The following PCDHGA6 variants were observed in gnomAD, a reference collection of about 807,000 sequenced individuals.
PCDHGA6 encodes the protein protocadherin gamma subfamily A, 6, also known as protocadherin gamma-A6.
In PCDHGA6, 41 loss-of-function variants were observed where a neutral mutation model predicts 60.6. The ratio of observed to expected loss-of-function variants is 0.68; its 90% CI spans 0.53 to 0.88. PCDHGA6 has a LOEUF of 0.88. PCDHGA6 is among the 40% of genes least tolerant of loss of function. PCDHGA6 has a pLI of 0.00. For synonymous variants in PCDHGA6, 594 were observed against 524.4 expected (o/e 1.13, Z -1.81); for missense variants, 1,312 against 1,203.0 (o/e 1.09, Z -1.34).
At chr5:141,414,242 T>TA in intron 1 of PCDHGA6, 2 of 1,613,538 alleles carry the variant, frequency 1.2e-6, no homozygotes, top group Non-Finnish European at 1.7e-6. Context: ...ATCACGTCTC[T>TA]ATTTAGTCCA....
Position 141,431,724 on chromosome 5 carries a change from T to C in PCDHGA6, c.2424+55217T>C, listed in dbSNP as rs758754345. The C allele has an allele frequency of 6.2e-7, 1 of 1,614,036 alleles. No individual in the cohort carries two copies. Among genetic ancestry groups the C allele is most frequent in the Non-Finnish European group, 8.5e-7 (1 of 1,180,036 alleles). On this transcript the variant is annotated intron_variant, in intron 1 of 3. Coordinates refer to ENST00000517434, the MANE Select transcript of PCDHGA6 (RefSeq NM_018919.3). This position sits in a 1 kb window ranked among gnomAD's most constrained non-coding sequence, Gnocchi z 4.8. The stretch of plus-strand genomic sequence containing the variant: ...TTCTACCAGATGGAAGTGCAAGCAA[T>C]GGATAATGCAGGATATTCTGCGCGA...
At chr5:141,446,830 A>G (rs1289946397) in intron 1 of PCDHGA6, among the ~76,000 whole-genome samples, 1 of 152,176 alleles carries the variant, frequency 6.6e-6, no homozygotes, top group Non-Finnish European at 1.5e-5. Flanking sequence ...GTAGATCCTT[A>G]TAAGGCTGAG....
At chr5:141,376,530 G>A (rs200613052) in intron 1 of PCDHGA6, 23 bp downstream of exon 1, 1 of 1,613,668 alleles carries the variant, frequency 6.2e-7, no homozygotes, top group Admixed American at 1.7e-5. Context: ...CCGCCTAAGC[G>A]GGAAGAGTAA....
chr5:141,433,199 A>G (rs2097574804), intron 1 of PCDHGA6: 1 of 1,579,570 alleles, frequency 6.3e-7, no homozygotes, highest in Non-Finnish European at 8.6e-7. Context: ...TTTATATCAA[A>G]TCTTCTTTCT....
chr5:141,384,870 C>T lies in PCDHGA6; in HGVS notation c.2424+8363C>T, dbSNP rs573213865. 2.6e-5 allele frequency: 42 copies of T among 1,613,806 alleles called. No homozygotes were observed. The Admixed American group carries it at 4.7e-4, about 18-fold the overall frequency. Reference sequence around the variant, plus strand: ...ACGGTCAGCCTCCTCTGTCAGCCACCGTCACACTCACCGTGGCTGTGGCTG... The same window carrying T: ...ACGGTCAGCCTCCTCTGTCAGCCACTGTCACACTCACCGTGGCTGTGGCTG... On this transcript the variant is annotated intron_variant, in intron 1 of 3. Coordinates refer to ENST00000517434, the MANE Select transcript of PCDHGA6 (RefSeq NM_018919.3).
chr5:141,485,152 A>T lies in PCDHGA6; in HGVS notation c.2425-9655A>T. 1.3e-6 allele frequency: 2 copies of T among 1,586,090 alleles called. No homozygotes were observed. Among genetic ancestry groups the T allele is most frequent in the Non-Finnish European group, 8.6e-7 (1 of 1,157,176 alleles). ...CTTCATCCGCGTCTCAGGAGCAAGT[A>T]GAGAATTAGCGGGCGGCAGCAATGC... On this transcript the variant is annotated intron_variant, in intron 1 of 3. Coordinates refer to ENST00000517434, the MANE Select transcript of PCDHGA6 (RefSeq NM_018919.3). This position sits in a 1 kb window ranked among gnomAD's most constrained non-coding sequence, Gnocchi z 5.7.
At chr5:141,383,983 C>G (rs769557615) in intron 1 of PCDHGA6, 1 of 1,613,794 alleles carries the variant, frequency 6.2e-7, no homozygotes, top group Non-Finnish European at 8.5e-7. Flanking sequence ...AGACACACCT[C>G]TTGGGACAGT....
At chr5:141,447,613 A>G (rs1169186870) in intron 1 of PCDHGA6, among the ~76,000 whole-genome samples, 1 of 152,186 alleles carries the variant, frequency 6.6e-6, no homozygotes, top group Admixed American at 6.5e-5. Context: ...TTAGCATTTT[A>G]AAGTTGAAAC....
At chr5:141,399,910 G>T in intron 1 of PCDHGA6, 1 of 1,612,438 alleles carries the variant, frequency 6.2e-7, no homozygotes, top group Non-Finnish European at 8.5e-7. Context: ...CGCAGACTCA[G>T]GACACAACGC....
At chr5:141,479,023 GT>G (rs1436478867) in intron 1 of PCDHGA6, among the ~76,000 whole-genome samples, 1 of 152,056 alleles carries the variant, frequency 6.6e-6, no homozygotes, top group Non-Finnish European at 1.5e-5. Context: ...ATTTTCCTTT[GT>G]TTATACAGAT....
intron 1 of PCDHGA6, chr5:141,412,993 G>T (rs1401025160): frequency 1.2e-5 from 7 of 574,186 alleles, no homozygotes; most frequent in Non-Finnish European, 1.8e-5. Context: ...GCTCAATCCG[G>T]ATTCTCAGGG....
At chr5:141,386,790 C>T (rs546308515) in intron 1 of PCDHGA6, among the ~76,000 whole-genome samples, 2 of 152,232 alleles carry the variant, frequency 1.3e-5, no homozygotes, top group South Asian at 4.2e-4. Flanking sequence ...AATCTCCTGA[C>T]CAAAATTTAT....
chr5:141,422,360 G>C (rs766368774), intron 1 of PCDHGA6: 1 of 1,559,254 alleles, frequency 6.4e-7, no homozygotes, highest in African/African-American at 1.4e-5. Context: ...CAAGATTCTG[G>C]AGAAAATGGT....
At chr5:141,470,124 G>A (rs1038487398) in intron 1 of PCDHGA6, among the ~76,000 whole-genome samples, 4 of 151,358 alleles carry the variant, frequency 2.6e-5, no homozygotes, top group African/African-American at 9.7e-5. Flanking sequence ...GCAAGACTTC[G>A]TCTCAAAAAA....
rs13436338 is a variant in PCDHGA6, at chr5:141,468,261, G to A, written c.2425-26546G>A. On this transcript the variant is annotated intron_variant, in intron 1 of 3. Coordinates refer to ENST00000517434, the MANE Select transcript of PCDHGA6 (RefSeq NM_018919.3). ...AATTGCCTGAACCTGGGAGGCAGAG[G>A]TTGTGGTGAGCCGAGACCACGCCAT... Among the ~76,000 whole-genome samples, 391 of 149,216 alleles carry A rather than the reference G, an allele frequency of 2.6e-3. 2 individuals are homozygous for A. Among genetic ancestry groups the A allele is most frequent in the African/African-American group, 9.3e-3 (377 of 40,498 alleles).
chr5:141,415,959 C>T, intron 1 of PCDHGA6: 3 of 443,810 alleles, frequency 6.8e-6, no homozygotes, highest in Non-Finnish European at 1.1e-5. Context: ...CATATTGAAA[C>T]TCCAGCCCCT....
At chr5:141,394,268 C>G in intron 1 of PCDHGA6, 1 of 1,613,946 alleles carries the variant, frequency 6.2e-7, no homozygotes, top group African/African-American at 1.3e-5. Flanking sequence ...AGGAGAATGC[C>G]CAGGTCACTT....
intron 1 of PCDHGA6, chr5:141,417,639 C>G: frequency 1.3e-6 from 1 of 745,670 alleles, no homozygotes; most frequent in Non-Finnish European, 2.1e-6. Flanking sequence ...CGCCGGGGAT[C>G]CCTCAGCCTC....
chr5:141,441,923 C>A, intron 1 of PCDHGA6: 2 of 351,136 alleles, frequency 5.7e-6, no homozygotes, highest in Non-Finnish European at 5.5e-6. Context: ...AGACACAATG[C>A]GTGGCTGTCC....
Sources: gnomAD v4.1 joint callset for allele counts (sites outside exome capture counted in the v4.1 genomes callset) on GRCh38, gnomAD v4.1.1 for gene constraint, Gnocchi (gnomAD v3.1) non-coding constraint, MANE v1.5 for transcripts, NCBI Gene and HGNC (gene_info 2026-07-23, HGNC 2026-07-21) for gene names.